The following ZNF382 variants were observed in gnomAD, a reference collection of about 807,000 sequenced individuals.
ZNF382 encodes zinc finger protein 382, also known as KRAB/zinc finger suppressor protein 1.
Under a neutral mutation model 38.8 loss-of-function variants are expected in ZNF382, and 20 were observed. That is an observed-to-expected ratio of 0.51 (90% CI 0.36 to 0.75). ZNF382 has a LOEUF of 0.75. ZNF382 is among the 30% of genes least tolerant of loss of function. ZNF382 has a pLI of 0.00. For synonymous variants in ZNF382, 202 were observed against 223.1 expected (o/e 0.91, Z 0.84); for missense variants, 546 against 654.1 (o/e 0.83, Z 1.80).
At chr19:36,607,762 G>T in intron 2 of ZNF382, 140 bp downstream of exon 2, 5 of 893,804 alleles carry the variant, frequency 5.6e-6, no homozygotes, top group Non-Finnish European at 8.2e-6. Flanking sequence ...ATTAGGCTGA[G>T]GCAGGCAAGT....
At chr19:36,621,470 AC>A (rs2037170003) in intron 4 of ZNF382, among the ~76,000 whole-genome samples, 1 of 151,572 alleles carries the variant, frequency 6.6e-6, no homozygotes, top group African/African-American at 2.4e-5. Context: ...TCTGTCTGTG[AC>A]TCAGAACTTT....
At chr19:36,612,445 GTTTAT>G (rs1181156531) in intron 4 of ZNF382, among the ~76,000 whole-genome samples, 1 of 152,184 alleles carries the variant, frequency 6.6e-6, no homozygotes, top group Admixed American at 6.5e-5. Flanking sequence ...GGACATACAT[GTTTAT>G]TTTTCTTCAG....
chr19:36,623,895 C>A (rs1399275591), intron 4 of ZNF382, among the ~76,000 whole-genome samples: 1 of 151,614 alleles, frequency 6.6e-6, no homozygotes, highest in East Asian at 1.9e-4. Context: ...TCGAGACCAG[C>A]CTGGCCAACA....
At chr19:36,623,003 A>C (rs1328567534) in intron 4 of ZNF382, among the ~76,000 whole-genome samples, 1 of 152,074 alleles carries the variant, frequency 6.6e-6, no homozygotes, top group Non-Finnish European at 1.5e-5. Context: ...CTCTGATATG[A>C]TCTAGTAATT....
chr19:36,616,627 A>G lies in ZNF382; in HGVS notation c.232+5885A>G, dbSNP rs73931638. Among the ~76,000 whole-genome samples the G allele has an allele frequency of 6.8e-3, 1,037 of 152,286 alleles. 9 individuals carry two copies. The highest frequency in any genetic ancestry group is 0.023 in the African/African-American group (965 of 41,548). ...TTCAATATGTGGGCTAATGCTTTTT[A>G]GCCAATATTTGTAGAGATTTTCAGA... On this transcript the variant is annotated intron_variant, in intron 4 of 4. Transcript: ENST00000292928.
intron 4 of ZNF382, among the ~76,000 whole-genome samples, chr19:36,625,802 G>A (rs184111707): frequency 6.8e-4 from 104 of 152,124 alleles, no homozygotes; most frequent in Non-Finnish European, 1.2e-3. Flanking sequence ...CAGGTGATCC[G>A]CCCGCCTTGG....
Position 36,620,493 on chromosome 19 carries a change from G to A in ZNF382, c.233-5637G>A, listed in dbSNP as rs556668218. Among the ~76,000 whole-genome samples the A allele has an allele frequency of 7.6e-4, 115 of 152,234 alleles. 1 individual carries two copies. Among genetic ancestry groups the A allele is most frequent in the Middle Eastern group, 6.8e-3 (2 of 294 alleles). ...TGGTCCTTTCTGATGTGTCCTTAAA[G>A]CATTTTATTCACTCTCAGTTCTTGA... On this transcript the variant is annotated intron_variant, in intron 4 of 4. Coordinates refer to ENST00000292928, the MANE Select transcript of ZNF382 (RefSeq NM_032825.5).
At chr19:36,624,228 A>G (rs889309375) in intron 4 of ZNF382, among the ~76,000 whole-genome samples, 1 of 152,260 alleles carries the variant, frequency 6.6e-6, no homozygotes, top group African/African-American at 2.4e-5. Context: ...CAAACTGCAC[A>G]TAAGTGGAAT....
At chr19:36,610,081 GT>G (rs1568627126) in intron 3 of ZNF382, 28 bp downstream of exon 3, 4 of 1,608,726 alleles carry the variant, frequency 2.5e-6, no homozygotes, top group Non-Finnish European at 3.4e-6. Context: ...ATCTTTCACT[GT>G]CATGCATCTC....
chr19:36,615,338 C>T (rs937312431), intron 4 of ZNF382, among the ~76,000 whole-genome samples: 2 of 152,076 alleles, frequency 1.3e-5, no homozygotes, highest in Admixed American at 6.6e-5. Flanking sequence ...CATTAGTAAC[C>T]TTTTAACAGA....
chr19:36,612,386 C>A (rs1320641649), intron 4 of ZNF382, among the ~76,000 whole-genome samples: 2 of 152,160 alleles, frequency 1.3e-5, no homozygotes, highest in Non-Finnish European at 2.9e-5. Flanking sequence ...CTAGTTTAGA[C>A]CTATTATGAA....
chr19:36,622,474 T>A (rs2037177897), intron 4 of ZNF382, among the ~76,000 whole-genome samples: 1 of 152,164 alleles, frequency 6.6e-6, no homozygotes, highest in Non-Finnish European at 1.5e-5. Context: ...CAGCTTCTAG[T>A]CGCCCTATCG....
chr19:36,610,793 C>G (rs763817318), intron 4 of ZNF382, 51 bp downstream of exon 4: 2 of 1,375,530 alleles, frequency 1.5e-6, no homozygotes, highest in South Asian at 2.5e-5. Context: ...GTAGTTGAAG[C>G]CTTTGAATGT....
rs201974026 is a variant in ZNF382, at chr19:36,626,779, AC to A, written c.885del (p.His297ThrfsTer51). 2.5e-6 allele frequency: 4 copies of A among 1,614,178 alleles called. No individual in the cohort carries two copies. The East Asian group carries it at 8.9e-5, about 36-fold the overall frequency. Reference sequence around the variant, plus strand: ...CTCAGAGACCTCAAACAGAAGAGAAACCCTTTCACTGTCCTTACTGTGGGAA... The same window carrying A: ...CTCAGAGACCTCAAACAGAAGAGAAACCTTTCACTGTCCTTACTGTGGGAA... ...MPQRPQTEEK[P>X]FHCPYCGNNF... On this transcript the variant is annotated frameshift_variant, in exon 5 of 5. Transcript: ENST00000292928. LOFTEE classifies it high-confidence loss of function.
chr19:36,609,676 G>A, intron 2 of ZNF382: 1 of 376,210 alleles, frequency 2.7e-6, no homozygotes, highest in Non-Finnish European at 4.7e-6. Flanking sequence ...CATGAGCAGG[G>A]TCAGGGTTTT....
chr19:36,620,727 T>A (rs2037162295), intron 4 of ZNF382, among the ~76,000 whole-genome samples: 1 of 152,194 alleles, frequency 6.6e-6, no homozygotes, highest in Admixed American at 6.5e-5. Flanking sequence ...TTGCTATCTT[T>A]ACTCTTATTT....
In ZNF382 at chr19:36,614,617, T is replaced by A. The variant is rs1821781008; in HGVS notation, c.232+3875T>A. On this transcript the variant is annotated intron_variant, in intron 4 of 4. Transcript: ENST00000292928. ...AAGTTTCTCTCTAAGCTTTTAATAT[T>A]TCTGATTCTATTGTACATAGTAAGA... is the stretch of plus-strand genomic sequence containing the variant. Among the ~76,000 whole-genome samples the A allele has an allele frequency of 3.3e-5, 5 of 152,118 alleles. No individual in the cohort carries two copies. The South Asian group carries it at 1.0e-3, about 32-fold the overall frequency.
chr19:36,626,111 T>C lies in ZNF382; in HGVS notation c.233-19T>C. The stretch of plus-strand genomic sequence containing the variant: ...GCATTTATGTGAAGACTCACAGTGT[T>C]AATGGTATTCTTTTCTAGAAGAAGA... On this transcript the variant is annotated intron_variant, in intron 4 of 4. Coordinates refer to ENST00000292928, the MANE Select transcript of ZNF382 (RefSeq NM_032825.5). 6.6e-7 allele frequency: 1 copy of C among 1,518,620 alleles called. No homozygotes were observed. Among genetic ancestry groups the C allele is most frequent in the Non-Finnish European group, 8.8e-7 (1 of 1,136,524 alleles). The allele number at this position is 1,518,620 out of a possible 1,614,324, so 94.1% of individuals were successfully genotyped here.
At position 36,633,838 on chromosome 19, in the gene ZNF382, T is replaced by C. The variant is rs1180446840; in HGVS notation, c.*6288T>C. The C allele has an allele frequency of 6.6e-6, 1 of 152,084 alleles. No individual in the cohort carries two copies. The highest frequency in any genetic ancestry group is 1.5e-5 in the Non-Finnish European group (1 of 68,028). The allele number at this position is 152,084 out of a possible 1,614,324, so 9.4% of individuals were successfully genotyped here. Reference sequence around the variant, plus strand: ...AAGAACCCAGTCCCAAAAAGTTACATACTGTATGATTCCATTTATATGACA... The same window carrying C: ...AAGAACCCAGTCCCAAAAAGTTACACACTGTATGATTCCATTTATATGACA... On this transcript the variant is annotated 3_prime_UTR_variant, in exon 5 of 5. Coordinates refer to ENST00000292928, the MANE Select transcript of ZNF382 (RefSeq NM_032825.5).
Sources: allele counts gnomAD v4.1 joint callset (sites outside exome capture counted in the v4.1 genomes callset), GRCh38; gene constraint gnomAD v4.1.1; transcripts MANE v1.5; gene names NCBI Gene and HGNC (gene_info 2026-07-23, HGNC 2026-07-21).